Variants in UBR3 observed in about 807,000 individuals in gnomAD.
UBR3 encodes the protein ubiquitin protein ligase E3 component n-recognin 3.
UBR3 carries 85 observed loss-of-function variants against 243.2 expected under a neutral mutation model. The ratio of observed to expected loss-of-function variants is 0.35; its 90% CI spans 0.29 to 0.42. The LOEUF is 0.42. Ranked by LOEUF, UBR3 falls within the 10% of genes least tolerant of loss-of-function variation. The pLI, the probability that UBR3 is intolerant of heterozygous loss-of-function variation, is 1.00. For missense variants in UBR3, 1,686 were observed against 2,300.8 expected, an observed-to-expected ratio of 0.73 and a Z score of 5.47; for synonymous variants, 748 against 799.8, an observed-to-expected ratio of 0.94 and a Z score of 1.09.
chr2:169,850,330 C>T (rs1479557298), intron 1 of UBR3, among the ~76,000 whole-genome samples: 1 of 152,046 alleles, frequency 6.6e-6, no homozygotes, highest in African/African-American at 2.4e-5. Context: ...AGGCACACGC[C>T]ACCATGCTTG....
intron 30 of UBR3, chr2:170,016,968 C>A: frequency 2.4e-6 from 1 of 423,488 alleles, no homozygotes; most frequent in Non-Finnish European, 3.4e-6. Flanking sequence ...TGTTCAGTTA[C>A]TTATTTATCC....
At chr2:170,066,753 CAGG>C (rs529758012) in intron 35 of UBR3, among the ~76,000 whole-genome samples, 32 of 152,134 alleles carry the variant, frequency 2.1e-4, no homozygotes, top group African/African-American at 7.2e-4. Context: ...ATCACAAGGT[CAGG>C]AGATCGAGAC....
At chr2:169,878,884 C>T (rs1012438209) in intron 5 of UBR3, among the ~76,000 whole-genome samples, 2 of 151,998 alleles carry the variant, frequency 1.3e-5, no homozygotes, top group African/African-American at 4.8e-5. Flanking sequence ...AGAGGCTATC[C>T]CCAAATTTAC....
At chr2:169,974,718 G>T (rs1420706347) in intron 24 of UBR3, among the ~76,000 whole-genome samples, 1 of 151,598 alleles carries the variant, frequency 6.6e-6, no homozygotes, top group Non-Finnish European at 1.5e-5. Flanking sequence ...GTTTATTTTT[G>T]CTTTTCTGGT....
chr2:169,847,716 C>T (rs929110323), intron 1 of UBR3, among the ~76,000 whole-genome samples: 1 of 152,182 alleles, frequency 6.6e-6, no homozygotes, highest in Non-Finnish European at 1.5e-5. Context: ...AAAGATACTA[C>T]TGTGTCACCT....
intron 1 of UBR3, among the ~76,000 whole-genome samples, chr2:169,848,184 A>G (rs773600494): frequency 9.8e-5 from 15 of 152,322 alleles, no homozygotes; most frequent in Middle Eastern, 3.4e-3. Flanking sequence ...TATCTTGAAA[A>G]CCATTGGTTC....
At chr2:169,962,535 A>G (rs1005506464) in intron 24 of UBR3, among the ~76,000 whole-genome samples, 2 of 152,180 alleles carry the variant, frequency 1.3e-5, no homozygotes, top group Non-Finnish European at 2.9e-5. Context: ...TTATACAGCA[A>G]TACTTTCCTT....
At chr2:169,921,877 G>C (rs1325834160) in intron 11 of UBR3, among the ~76,000 whole-genome samples, 4 of 152,124 alleles carry the variant, frequency 2.6e-5, no homozygotes, top group Non-Finnish European at 5.9e-5. Flanking sequence ...TGTAGTCCCA[G>C]CTACTCAGGA....
chr2:169,979,105 A>T (rs966147327), intron 24 of UBR3, among the ~76,000 whole-genome samples: 9 of 152,254 alleles, frequency 5.9e-5, no homozygotes, highest in Admixed American at 5.2e-4. Flanking sequence ...GAAGATCTGA[A>T]CAGACACCTT....
At chr2:170,055,162 T>C (rs1015744420) in intron 32 of UBR3, among the ~76,000 whole-genome samples, 2 of 152,126 alleles carry the variant, frequency 1.3e-5, no homozygotes, top group Non-Finnish European at 2.9e-5. Flanking sequence ...TCAGGCGTAG[T>C]GGCACATGCC....
chr2:170,077,714 T>C (rs1198058962), intron 36 of UBR3: 3 of 309,266 alleles, frequency 9.7e-6, no homozygotes, highest in Non-Finnish European at 1.8e-5. Context: ...GCCTCCTGAG[T>C]AGCTGGGATT....
At chr2:169,958,076 A>G (rs903716550) in intron 23 of UBR3, among the ~76,000 whole-genome samples, 1 of 132,898 alleles carries the variant, frequency 7.5e-6, no homozygotes, top group Non-Finnish European at 1.8e-5. Flanking sequence ...TGTGCCTGGG[A>G]TTAAATTGTT....
At chr2:170,045,141 A>G (rs1158555751) in intron 32 of UBR3, among the ~76,000 whole-genome samples, 2 of 152,208 alleles carry the variant, frequency 1.3e-5, no homozygotes, top group Non-Finnish European at 1.5e-5. Context: ...TCTCACAATC[A>G]TGGCAGAAGG....
chr2:169,967,291 C>T (rs1358322525), intron 24 of UBR3, among the ~76,000 whole-genome samples: 1 of 136,612 alleles, frequency 7.3e-6, no homozygotes, highest in East Asian at 2.3e-4. Context: ...AGTTGGTAGC[C>T]TATAGATAGG....
chr2:169,938,925 G>A lies in UBR3; in HGVS notation c.2664-3568G>A, dbSNP rs1193267487. ...AGACCTTGCCTGTTCAACAACCTGG[G>A]CCTCATACATCTTTTTTTGTGGATA... On this transcript the variant is annotated intron_variant, in intron 19 of 38. Transcript: ENST00000272793. Among the ~76,000 whole-genome samples, 3 of 151,700 alleles carry A rather than the reference G, an allele frequency of 2.0e-5. No individual in the cohort carries two copies. The South Asian group carries it at 6.2e-4, about 32-fold the overall frequency.
intron 1 of UBR3, among the ~76,000 whole-genome samples, chr2:169,853,044 A>C (rs2082718499): frequency 6.6e-6 from 1 of 152,278 alleles, no homozygotes; most frequent in East Asian, 1.9e-4. Context: ...AATGAATGTA[A>C]ATTTTTTAAT....
chr2:169,927,427 TTC>T, intron 17 of UBR3, 22 bp downstream of exon 17: 1 of 1,485,730 alleles, frequency 6.7e-7, no homozygotes, highest in Non-Finnish European at 9.1e-7. Flanking sequence ...AAATTTTACT[TTC>T]TGTTAGTTGC....
At chr2:169,927,248 A>C (rs1287565239) in intron 16 of UBR3, 72 bp from the exon 17 acceptor site, 1 of 1,347,196 alleles carries the variant, frequency 7.4e-7, no homozygotes, top group Non-Finnish European at 1.0e-6. Context: ...GCTTAGTAAA[A>C]AGTGTGGTAA....
chr2:169,853,087 G>A (rs2082720169), intron 1 of UBR3, among the ~76,000 whole-genome samples: 1 of 152,110 alleles, frequency 6.6e-6, no homozygotes, highest in Non-Finnish European at 1.5e-5. Context: ...CCATATGATA[G>A]CCTAAATATA....
Sources: allele counts gnomAD v4.1 joint callset (sites outside exome capture counted in the v4.1 genomes callset), GRCh38; gene constraint gnomAD v4.1.1; transcripts MANE v1.5; gene names NCBI Gene and HGNC (gene_info 2026-07-23, HGNC 2026-07-21).